ALOX5: variants seen among roughly 807,000 people sequenced by gnomAD.
ALOX5 encodes arachidonate 5-lipoxygenase, also known as polyunsaturated fatty acid 5-lipoxygenase.
A neutral mutation model predicts 87.9 loss-of-function variants in ALOX5; 64 were observed. The ratio of observed to expected loss-of-function variants is 0.73; its 90% confidence interval spans 0.60 to 0.90. The LOEUF is 0.90. ALOX5 is among the 40% of genes least tolerant of loss of function. The probability of loss-of-function intolerance (pLI) is 0.00; values close to 1 mark genes in which losing one functional copy is unlikely to be tolerated. For missense variants in ALOX5, 822 were observed against 907.5 expected (o/e 0.91, Z 1.21); for synonymous variants, 388 against 355.1 (o/e 1.09, Z -1.04).
At chr10:45,390,593 T>G (rs1840182379) in intron 2 of ALOX5, among the ~76,000 whole-genome samples, 1 of 152,222 alleles carries the variant, frequency 6.6e-6, no homozygotes, top group Non-Finnish European at 1.5e-5. Flanking sequence ...GAATGACTAC[T>G]GGGTACATAA....
intron 11 of ALOX5, 34 bp downstream of exon 11, chr10:45,443,571 C>T (rs1842320959): frequency 6.2e-7 from 1 of 1,600,962 alleles, no homozygotes; most frequent in Non-Finnish European, 8.5e-7. Flanking sequence ...GACCCGGCTC[C>T]CCCGCAGTCG....
chr10:45,396,930 C>T (rs1254818642), intron 3 of ALOX5, among the ~76,000 whole-genome samples: 1 of 152,148 alleles, frequency 6.6e-6, no homozygotes, highest in African/African-American at 2.4e-5. Flanking sequence ...TAATTGAATT[C>T]ACCATATCAA....
At chr10:45,413,740 CAA>C (rs1357799354) in intron 4 of ALOX5, among the ~76,000 whole-genome samples, 3 of 152,208 alleles carry the variant, frequency 2.0e-5, no homozygotes, top group Non-Finnish European at 4.4e-5. Flanking sequence ...GGAACTTCAG[CAA>C]AGTCTCAGGA....
intron 3 of ALOX5, among the ~76,000 whole-genome samples, chr10:45,405,317 C>T (rs1393203129): frequency 6.6e-6 from 1 of 152,182 alleles, no homozygotes; most frequent in Non-Finnish European, 1.5e-5. Context: ...TACTTTTGCC[C>T]ATCCATACAT....
At chr10:45,379,027 A>C (rs886899366) in intron 1 of ALOX5, among the ~76,000 whole-genome samples, 24 of 152,066 alleles carry the variant, frequency 1.6e-4, no homozygotes, top group African/African-American at 5.6e-4. Context: ...CTGTGACTGC[A>C]CCACAGGTGT....
At chr10:45,437,165 C>A (rs1316462969) in intron 7 of ALOX5, among the ~76,000 whole-genome samples, 2 of 152,130 alleles carry the variant, frequency 1.3e-5, no homozygotes, top group Non-Finnish European at 2.9e-5. Context: ...CCAGCCTGAC[C>A]AACATGGTGA....
At position 45,428,299 on chromosome 10, in the gene ALOX5, C is replaced by T. The variant is rs1164001655; in HGVS notation, c.835-319C>T. 7.0e-6 allele frequency: 3 copies of T among 430,108 alleles called. No homozygotes were observed. In the East Asian group the frequency reaches 1.2e-4, roughly 17 times the overall value. The allele number at this position is 430,108 out of a possible 1,614,324, so 26.6% of individuals were successfully genotyped here. A position where few individuals can be genotyped will look rare whatever the true frequency, so the allele number is the denominator to read the frequency against. ...GGCATTTAACTCGTCACATCTATTT[C>T]ACCTAACCTCTTTCTTCTTAGTAAA... On this transcript the variant is annotated intron_variant, in intron 6 of 13. Transcript: ENST00000374391.
At chr10:45,375,885 A>G (rs1190445211) in intron 1 of ALOX5, among the ~76,000 whole-genome samples, 1 of 152,228 alleles carries the variant, frequency 6.6e-6, no homozygotes, top group Non-Finnish European at 1.5e-5. Flanking sequence ...TGTGTCGTCC[A>G]TTTAGGGTGA....
At chr10:45,443,591 GC>G (rs1490729405) in intron 11 of ALOX5, 54 bp downstream of exon 11, 36 of 1,597,766 alleles carry the variant, frequency 2.3e-5, no homozygotes, top group Non-Finnish European at 3.0e-5. Flanking sequence ...GGCAGCGCTG[GC>G]CCCTCCGCCA....
chr10:45,431,653 A>G (rs1287185010), intron 7 of ALOX5, among the ~76,000 whole-genome samples: 1 of 151,656 alleles, frequency 6.6e-6, no homozygotes, highest in Non-Finnish European at 1.5e-5. Context: ...GCTCACTGCA[A>G]CCTCCACCTC....
At position 45,440,513 on chromosome 10, in the gene ALOX5, G is replaced by A. The variant is rs1045059978; in HGVS notation, c.1065G>A (p.Val355=). The change falls in exon 8 of 14, where the codon GTG becomes GTA. Residue 355 remains valine, a synonymous_variant. Transcript: ENST00000374391. The part of the protein sequence containing the change: ...KYDWLLAKIW[V]RSSDFHVHQT... ...ACTGGCTTTTGGCCAAAATCTGGGT[G>A]CGTTCCAGTGACTTCCACGTCCACC... The A allele has an allele frequency of 2.5e-6, 4 of 1,614,074 alleles. No individual in the cohort carries two copies. In the Admixed American group the frequency reaches 6.7e-5, roughly 27 times the overall value.
intron 4 of ALOX5, among the ~76,000 whole-genome samples, chr10:45,415,365 C>T (rs1841241345): frequency 6.6e-6 from 1 of 152,060 alleles, no homozygotes; most frequent in Non-Finnish European, 1.5e-5. Context: ...TGTTCTCACT[C>T]ATAGGTGGGA....
At chr10:45,431,020 TATATGTAATA>T (rs547606953) in intron 7 of ALOX5, among the ~76,000 whole-genome samples, 1 of 152,362 alleles carries the variant, frequency 6.6e-6, no homozygotes, top group African/African-American at 2.4e-5. Flanking sequence ...ATTAAATGAC[TATATGTAATA>T]ACCAAGCAGG....
chr10:45,391,802 G>C (rs1299642596), intron 2 of ALOX5, among the ~76,000 whole-genome samples: 4 of 151,486 alleles, frequency 2.6e-5, no homozygotes, highest in African/African-American at 9.7e-5. Flanking sequence ...TGAGAAGTGA[G>C]GAGACCCTCC....
chr10:45,392,064 G>C (rs34942971), intron 2 of ALOX5, among the ~76,000 whole-genome samples: 1 of 150,904 alleles, frequency 6.6e-6, no homozygotes, highest in Non-Finnish European at 1.5e-5. Context: ...CCGGCCAGCC[G>C]CCCCGTCCGA....
intron 4 of ALOX5, among the ~76,000 whole-genome samples, chr10:45,416,000 G>C (rs944887190): frequency 4.6e-5 from 7 of 152,118 alleles, no homozygotes; most frequent in Non-Finnish European, 7.4e-5. Context: ...CTAGTGCCAG[G>C]CCAACCCCAC....
At chr10:45,416,024 A>G (rs2132773449) in intron 4 of ALOX5, among the ~76,000 whole-genome samples, 1 of 152,326 alleles carries the variant, frequency 6.6e-6, no homozygotes, top group East Asian at 1.9e-4. Flanking sequence ...CACAGATGAC[A>G]GTCTATGAGG....
chr10:45,443,406 C>T lies in ALOX5; in HGVS notation c.1452-10C>T. The T allele has an allele frequency of 6.2e-7, 1 of 1,600,018 alleles. No individual in the cohort carries two copies. Among genetic ancestry groups the T allele is most frequent in the Non-Finnish European group, 8.5e-7 (1 of 1,173,594 alleles). On this transcript the variant is annotated splice_polypyrimidine_tract_variant and intron_variant, in intron 10 of 13. Transcript: ENST00000374391. The stretch of plus-strand genomic sequence containing the variant: ...TGGGTCGCCCACCCCGGCTGCGCCC[C>T]CTGAGCCAGGTTCACGGCCGAGGTG...
chr10:45,406,040 G>A (rs965497501), intron 3 of ALOX5, among the ~76,000 whole-genome samples: 1 of 152,182 alleles, frequency 6.6e-6, no homozygotes, highest in African/African-American at 2.4e-5. Context: ...AGCTGGCATA[G>A]GATGGCAGTC....
Sources: gnomAD v4.1 joint callset for allele counts (sites outside exome capture counted in the v4.1 genomes callset) on GRCh38, gnomAD v4.1.1 for gene constraint, MANE v1.5 for transcripts, NCBI Gene and HGNC (gene_info 2026-07-23, HGNC 2026-07-21) for gene names.